Variants in RFX3 observed in about 807,000 individuals in gnomAD.
RFX3 encodes transcription factor RFX3.
RFX3 carries 14 observed loss-of-function variants against 98.6 expected under a neutral mutation model. The observed-to-expected ratio is 0.14, with a 90% CI of 0.09 to 0.22. RFX3 has a LOEUF of 0.22. RFX3 is among the 10% of genes least tolerant of loss of function. The pLI, the probability that RFX3 is intolerant of heterozygous loss-of-function variation, is 1.00. For synonymous variants in RFX3, 383 were observed against 328.4 expected (o/e 1.17, Z -1.80); for missense variants, 639 against 926.9 (o/e 0.69, Z 4.03).
intron 2 of RFX3, among the ~76,000 whole-genome samples, chr9:3,392,906 T>C (rs1317272192): frequency 1.3e-5 from 2 of 152,142 alleles, no homozygotes; most frequent in Non-Finnish European, 2.9e-5. Flanking sequence ...AAAGCATTTA[T>C]ATATCATGGT....
At chr9:3,426,008 A>C (rs2132443452) in intron 1 of RFX3, among the ~76,000 whole-genome samples, 1 of 152,334 alleles carries the variant, frequency 6.6e-6, no homozygotes, top group East Asian at 1.9e-4. Flanking sequence ...TTATTAAAAC[A>C]AACCAAAAAA....
intron 1 of RFX3, among the ~76,000 whole-genome samples, chr9:3,416,003 G>C (rs529268202): frequency 6.6e-6 from 1 of 152,232 alleles, no homozygotes; most frequent in African/African-American, 2.4e-5. Context: ...ATTAATCATT[G>C]CTTCTCTAAC....
intron 4 of RFX3, among the ~76,000 whole-genome samples, chr9:3,313,087 C>A (rs1465654523): frequency 6.6e-6 from 1 of 152,120 alleles, no homozygotes; most frequent in East Asian, 1.9e-4. Context: ...CCCTGACCAC[C>A]AAGTAGCGTA....
At chr9:3,473,731 A>G (rs1012472219) in intron 1 of RFX3, among the ~76,000 whole-genome samples, 7 of 152,166 alleles carry the variant, frequency 4.6e-5, no homozygotes, top group African/African-American at 1.7e-4. Context: ...AAACCTCAAC[A>G]GGGGAGTTTT....
At chr9:3,310,291 T>C (rs1829813278) in intron 4 of RFX3, among the ~76,000 whole-genome samples, 1 of 152,148 alleles carries the variant, frequency 6.6e-6, no homozygotes, top group South Asian at 2.1e-4. Flanking sequence ...AAACAGAATA[T>C]CATATATACG....
chr9:3,420,917 A>G, intron 1 of RFX3: 4 of 984,750 alleles, frequency 4.1e-6, no homozygotes, highest in Non-Finnish European at 4.8e-6. Flanking sequence ...ACCAGCAAAT[A>G]TGGATCTTTC....
intron 2 of RFX3, among the ~76,000 whole-genome samples, chr9:3,363,640 C>T (rs1405908811): frequency 1.3e-5 from 2 of 152,078 alleles, no homozygotes; most frequent in African/African-American, 4.8e-5. Context: ...TTGCAAAAAT[C>T]CTAAGGTGAA....
intron 7 of RFX3, 85 bp from the exon 8 acceptor site, chr9:3,277,546 T>G: frequency 8.3e-7 from 1 of 1,203,812 alleles, no homozygotes; most frequent in Non-Finnish European, 1.2e-6. Flanking sequence ...AGCATTCAGT[T>G]TTATTCTATC....
At chr9:3,329,343 G>A (rs959863367) in intron 4 of RFX3, among the ~76,000 whole-genome samples, 49 of 146,894 alleles carry the variant, frequency 3.3e-4, no homozygotes, top group Non-Finnish European at 2.4e-4. Flanking sequence ...AGAAGGCAGA[G>A]GTTGCAGTGA....
At chr9:3,516,996 A>G (rs539744058) in intron 1 of RFX3, among the ~76,000 whole-genome samples, 1 of 152,228 alleles carries the variant, frequency 6.6e-6, no homozygotes, top group Non-Finnish European at 1.5e-5. Context: ...ACTTTGCTAT[A>G]GGTATGGCCA....
intron 1 of RFX3, among the ~76,000 whole-genome samples, chr9:3,431,943 G>C (rs893878767): frequency 3.9e-5 from 6 of 152,156 alleles, no homozygotes; most frequent in Admixed American, 1.3e-4. Flanking sequence ...GGATTTAAGG[G>C]AGGAAGCAGC....
chr9:3,524,422 A>G (rs2133960267), intron 1 of RFX3: 3 of 627,636 alleles, frequency 4.8e-6, no homozygotes, highest in Non-Finnish European at 6.0e-6. Context: ...AATAAAAAGA[A>G]TATGTTAAGT....
rs1378772353 is a variant in RFX3 at position 3,266,847 on chromosome 9, G to A, written c.1358-542C>T. Reference sequence around the variant, plus strand: ...GAAAAGGTAAAAATTAAAATTGTCTGAATTGAAATTTTTGGGCAATTATTT... The same window carrying A: ...GAAAAGGTAAAAATTAAAATTGTCTAAATTGAAATTTTTGGGCAATTATTT... On this transcript the variant is annotated intron_variant, in intron 11 of 16. Coordinates refer to ENST00000617270, the MANE Select transcript of RFX3 (RefSeq NM_001282116.2). Among the ~76,000 whole-genome samples, 3 of 152,116 alleles carry A rather than the reference G, an allele frequency of 2.0e-5. No individual in the cohort carries two copies. In the South Asian group the frequency reaches 6.2e-4, roughly 32 times the overall value.
At chr9:3,389,641 A>C (rs1840078317) in intron 2 of RFX3, among the ~76,000 whole-genome samples, 1 of 152,156 alleles carries the variant, frequency 6.6e-6, no homozygotes, top group African/African-American at 2.4e-5. Flanking sequence ...TGACACCACA[A>C]GAAGAAAATT....
At chr9:3,294,248 C>T (rs146729383) in intron 5 of RFX3, among the ~76,000 whole-genome samples, 127 of 152,154 alleles carry the variant, frequency 8.3e-4, no homozygotes, top group African/African-American at 2.9e-3. Flanking sequence ...TTCACATTTC[C>T]TGATTACTCC....
chr9:3,282,871 A>C (rs1390994657), intron 7 of RFX3, among the ~76,000 whole-genome samples: 1 of 151,810 alleles, frequency 6.6e-6, no homozygotes, highest in Non-Finnish European at 1.5e-5. Context: ...CAGCAAAATT[A>C]AGTGGTCCTC....
intron 3 of RFX3, among the ~76,000 whole-genome samples, chr9:3,343,644 A>G (rs1485198565): frequency 6.6e-6 from 1 of 152,232 alleles, no homozygotes; most frequent in African/African-American, 2.4e-5. Flanking sequence ...AATTTTGAGT[A>G]TACTTCATGG....
chr9:3,300,953 T>G (rs190587546), intron 5 of RFX3, among the ~76,000 whole-genome samples: 28 of 151,990 alleles, frequency 1.8e-4, no homozygotes, highest in Non-Finnish European at 2.9e-5. Context: ...TAGTTTTATC[T>G]CAATTATTAG....
chr9:3,348,647 A>G (rs1338679514), intron 2 of RFX3, among the ~76,000 whole-genome samples: 1 of 152,028 alleles, frequency 6.6e-6, no homozygotes, highest in Non-Finnish European at 1.5e-5. Context: ...ATATTACAGT[A>G]CTGAAAATGA....
Sources: allele counts gnomAD v4.1 joint callset (sites outside exome capture counted in the v4.1 genomes callset), GRCh38; gene constraint gnomAD v4.1.1; transcripts MANE v1.5; gene names NCBI Gene and HGNC (gene_info 2026-07-23, HGNC 2026-07-21).